PACSIN2: variants seen among roughly 807,000 people sequenced by gnomAD.
PACSIN2 encodes protein kinase C and casein kinase substrate in neurons protein 2.
Under a neutral mutation model 63.8 loss-of-function variants are expected in PACSIN2, and 25 were observed. That is an observed-to-expected ratio of 0.39 (90% CI 0.29 to 0.55). PACSIN2 has a LOEUF of 0.55. PACSIN2 is among the 20% of genes least tolerant of loss of function. PACSIN2 has a pLI of 0.62. For synonymous variants in PACSIN2, 255 were observed against 256.2 expected (o/e 1.00, Z 0.05); for missense variants, 518 against 646.9 (o/e 0.80, Z 2.16).
At chr22:42,914,067 T>G (rs1042383143) in intron 1 of PACSIN2, among the ~76,000 whole-genome samples, 2 of 152,208 alleles carry the variant, frequency 1.3e-5, no homozygotes, top group Non-Finnish European at 2.9e-5. Flanking sequence ...AGGACTAAGA[T>G]GCATGCACGC....
intron 2 of PACSIN2, among the ~76,000 whole-genome samples, chr22:42,904,607 C>G (rs1253966035): frequency 6.6e-6 from 1 of 152,138 alleles, no homozygotes. Flanking sequence ...GGTCCAAAGC[C>G]GATGATCTAG....
rs138290592 is a variant in PACSIN2 at position 42,887,158 on chromosome 22, C to T, written c.609+1485G>A. ...CTCACCTGATCCCACCGTGGAGGCA[C>T]CTGGGCTGCTTCAAAAGCCCAGATT... On this transcript the variant is annotated intron_variant, in intron 5 of 10. Coordinates refer to ENST00000263246, the MANE Select transcript of PACSIN2 (RefSeq NM_001184970.3). Among the ~76,000 whole-genome samples, 779 of 152,310 alleles carry T rather than the reference C, an allele frequency of 5.1e-3. 5 individuals carry two copies. Among genetic ancestry groups the T allele is most frequent in the Non-Finnish European group, 9.3e-3 (635 of 68,022 alleles).
intron 1 of PACSIN2, among the ~76,000 whole-genome samples, chr22:42,987,932 G>C (rs1490012524): frequency 6.6e-6 from 1 of 152,086 alleles, no homozygotes; most frequent in South Asian, 2.1e-4. Flanking sequence ...CTTGAGGTCA[G>C]GAGTTCAAGA....
At chr22:42,980,295 C>G (rs1921993455) in intron 1 of PACSIN2, among the ~76,000 whole-genome samples, 1 of 152,186 alleles carries the variant, frequency 6.6e-6, no homozygotes, top group African/African-American at 2.4e-5. Context: ...ATGAGGACTG[C>G]TTGAGCCCAA....
intron 1 of PACSIN2, among the ~76,000 whole-genome samples, chr22:42,979,677 G>A (rs1190488385): frequency 6.6e-6 from 1 of 152,144 alleles, no homozygotes; most frequent in African/African-American, 2.4e-5. Context: ...CCTCCTGGGA[G>A]TATATGCTCT....
In PACSIN2 at chr22:42,876,194, C is replaced by T; in HGVS notation, c.1291G>A (p.Val431Ile). 6.2e-7 allele frequency: 1 copy of T among 1,614,232 alleles called. No individual in the cohort carries two copies. The highest frequency in any genetic ancestry group is 2.2e-5 in the East Asian group (1 of 44,880). The stretch of plus-strand genomic sequence containing the variant: ...CCCTCATAGTCATACAGGGCCCGGA[C>T]TCGCACTTCCGTCCCCGAGGTGGCG... ...DDATSGTEVR[V>I]RALYDYEGQE... Residue 431 changes from valine to isoleucine, a missense_variant, in exon 10 of 11, where the codon GTC (valine) becomes ATC (isoleucine). Coordinates refer to ENST00000263246, the MANE Select transcript of PACSIN2 (RefSeq NM_001184970.3).
At chr22:42,981,452 C>A (rs1196378937) in intron 1 of PACSIN2, among the ~76,000 whole-genome samples, 1 of 85,604 alleles carries the variant, frequency 1.2e-5, no homozygotes. Context: ...CCCCTCTGCC[C>A]GGCCAGCCGC....
chr22:42,890,826 C>T, intron 4 of PACSIN2, 121 bp downstream of exon 4: 1 of 712,556 alleles, frequency 1.4e-6, no homozygotes, highest in Non-Finnish European at 2.4e-6. Context: ...TTCATCTCTA[C>T]CAGGTCTGGC....
At position 42,893,507 on chromosome 22, in the gene PACSIN2, G is replaced by A. The variant is rs1321548299; in HGVS notation, c.167C>T (p.Ala56Val). The A allele has an allele frequency of 4.3e-6, 7 of 1,613,936 alleles. No homozygotes were observed. The highest frequency in any genetic ancestry group is 5.1e-6 in the Non-Finnish European group (6 of 1,180,050). ...HERARIEKAY[A>V]QQLTEWARRW... ...CCGGGCCCACTCAGTGAGCTGCTGCGCATACGCCTTCTCGATGCGCGCCCG... is the reference window on the plus strand; with the variant it reads ...CCGGGCCCACTCAGTGAGCTGCTGCACATACGCCTTCTCGATGCGCGCCCG... The change falls in exon 3 of 11, where the codon GCG becomes GTG. Residue 56 changes from alanine to valine, a missense_variant. Physicochemically the swap from Ala to Val is moderately conservative, Grantham distance 64. Transcript: ENST00000263246.
chr22:42,990,816 C>T (rs2179258), intron 1 of PACSIN2, among the ~76,000 whole-genome samples: 8,550 of 142,856 alleles, frequency 0.06, 340 homozygotes, highest in Non-Finnish European at 0.081. Context: ...TGGAAGAGGG[C>T]CATGGAAACC....
At chr22:42,904,354 C>T (rs542329787) in intron 2 of PACSIN2, among the ~76,000 whole-genome samples, 1 of 152,342 alleles carries the variant, frequency 6.6e-6, no homozygotes, top group African/African-American at 2.4e-5. Context: ...GCTCACTTGC[C>T]TTCAGCCGAG....
chr22:42,957,748 G>A (rs982969045), intron 1 of PACSIN2, among the ~76,000 whole-genome samples: 3 of 152,096 alleles, frequency 2.0e-5, no homozygotes, highest in Non-Finnish European at 2.9e-5. Context: ...AAGGTTTGGG[G>A]TTTCCCTTTC....
At chr22:42,949,496 G>A (rs1933585450) in intron 1 of PACSIN2, among the ~76,000 whole-genome samples, 1 of 151,884 alleles carries the variant, frequency 6.6e-6, no homozygotes. Context: ...TGTGATGCTA[G>A]CTGCCTAATA....
intron 10 of PACSIN2, among the ~76,000 whole-genome samples, chr22:42,872,631 C>T (rs1349115192): frequency 5.9e-5 from 9 of 152,270 alleles, no homozygotes; most frequent in Non-Finnish European, 8.8e-5. Flanking sequence ...TCAAATCCCA[C>T]AGCCATCACT....
At position 42,890,966 on chromosome 22, in the gene PACSIN2, C is replaced by T; in HGVS notation, c.434G>A (p.Trp145Ter). ...EDGFRKAQKP[W>*]AKKLKEVEAA... The stretch of plus-strand genomic sequence containing the variant: ...ATGTACCTCTTTCAGCTTCTTGGCC[C>T]AGGGCTTCTGTGCCTTCCGAAAGCC... Residue 145 changes from tryptophan to a stop codon, truncating the protein, a stop_gained, in exon 4 of 11, where the codon TGG becomes TAG. Transcript: ENST00000263246. LOFTEE classifies it high-confidence loss of function. The T allele has an allele frequency of 1.2e-6, 2 of 1,614,112 alleles. No homozygotes were observed. The highest frequency in any genetic ancestry group is 2.2e-5 in the South Asian group (2 of 91,086).
intron 2 of PACSIN2, among the ~76,000 whole-genome samples, chr22:42,909,002 G>A (rs989798161): frequency 1.3e-5 from 2 of 151,998 alleles, no homozygotes; most frequent in Non-Finnish European, 2.9e-5. Context: ...CAGGGTTGGG[G>A]GAATGCAGGA....
Position 42,871,552 on chromosome 22 carries a change from C to T in PACSIN2, c.1349-83G>A, listed in dbSNP as rs879860799. On this transcript the variant is annotated intron_variant, in intron 10 of 10. Coordinates refer to ENST00000263246, the MANE Select transcript of PACSIN2 (RefSeq NM_001184970.3). This position sits in a 1 kb window ranked among gnomAD's most constrained non-coding sequence, Gnocchi z 5.4. Reference sequence around the variant, plus strand: ...AGAGCCGCATTCACGAGCTTTGAGCCCACAGAGGGTGGAGGGCCAGGCATT... The same window carrying T: ...AGAGCCGCATTCACGAGCTTTGAGCTCACAGAGGGTGGAGGGCCAGGCATT... 1.5e-5 allele frequency: 16 copies of T among 1,100,002 alleles called. No homozygotes were observed. Among genetic ancestry groups the T allele is most frequent in the Non-Finnish European group, 2.2e-5 (16 of 715,232 alleles). The allele number at this position is 1,100,002 out of a possible 1,614,324, so 68.1% of individuals were successfully genotyped here.
chr22:42,876,739 T>G, intron 9 of PACSIN2, 149 bp downstream of exon 9: 1 of 909,008 alleles, frequency 1.1e-6, no homozygotes, highest in South Asian at 1.5e-5. Context: ...AGAGAGCAGG[T>G]AGTGGGCCAG....
At chr22:42,945,273 G>A (rs1177756092) in intron 1 of PACSIN2, among the ~76,000 whole-genome samples, 1 of 152,056 alleles carries the variant, frequency 6.6e-6, no homozygotes, top group Non-Finnish European at 1.5e-5. Flanking sequence ...GGAGGGAGCT[G>A]ACACTCACCA....
Sources: allele counts gnomAD v4.1 joint callset (sites outside exome capture counted in the v4.1 genomes callset), GRCh38; gene constraint gnomAD v4.1.1; non-coding constraint Gnocchi (gnomAD v3.1); transcripts MANE v1.5; gene names NCBI Gene and HGNC (gene_info 2026-07-23, HGNC 2026-07-21).